PTPRN2: variants seen among roughly 807,000 people sequenced by gnomAD.
PTPRN2 encodes receptor-type tyrosine-protein phosphatase N2.
PTPRN2 carries 74 observed loss-of-function variants against 118.8 expected under a neutral mutation model. The observed-to-expected ratio is 0.62, with a 90% CI of 0.52 to 0.76. The LOEUF is 0.76. Ranked by LOEUF, PTPRN2 falls within the 30% of genes least tolerant of loss-of-function variation. The pLI, the probability that PTPRN2 is intolerant of heterozygous loss-of-function variation, is 0.00. For missense variants in PTPRN2, 1,481 were observed against 1,394.4 expected, an observed-to-expected ratio of 1.06 and a Z score of -0.99; for synonymous variants, 641 against 608.0, an observed-to-expected ratio of 1.05 and a Z score of -0.80.
intron 1 of PTPRN2, among the ~76,000 whole-genome samples, chr7:158,516,459 C>T (rs1823566858): frequency 6.6e-6 from 1 of 152,260 alleles, no homozygotes; most frequent in Non-Finnish European, 1.5e-5. Flanking sequence ...CCCCAGCCCC[C>T]TCCCAGCCTG....
rs867552331 is a variant in PTPRN2 at position 158,340,797 on chromosome 7, G to A, written c.164-23865C>T. ...ACCATAATTGGTGACACCTGCAGAC[G>A]TCACTCACACCCACACATGTCACTC... On this transcript the variant is annotated intron_variant, in intron 2 of 22. Coordinates refer to ENST00000389418, the MANE Select transcript of PTPRN2 (RefSeq NM_002847.5). Among the ~76,000 whole-genome samples the A allele has an allele frequency of 1.5e-4, 11 of 71,642 alleles. 3 individuals are homozygous for A. The South Asian group carries it at 3.9e-3, about 25-fold the overall frequency. The allele number at this position is 71,642 out of a possible 152,430, so 47.0% of individuals were successfully genotyped here.
rs1163527252 is a variant in PTPRN2 at position 157,881,868 on chromosome 7, T to C, written c.1788+16805A>G. Among the ~76,000 whole-genome samples the C allele has an allele frequency of 1.3e-5, 2 of 152,182 alleles. No homozygotes were observed. The highest frequency in any genetic ancestry group is 2.9e-5 in the Non-Finnish European group (2 of 68,038). On this transcript the variant is annotated intron_variant, in intron 12 of 22. Coordinates refer to ENST00000389418, the MANE Select transcript of PTPRN2 (RefSeq NM_002847.5). This position sits in a 1 kb window ranked among gnomAD's most constrained non-coding sequence, Gnocchi z 4.7. ...GAAGGTAAAGTTTGTGCCTGTAAAC[T>C]ACTAAAGAGCTACTAGGGCCCAGTG...
In PTPRN2 at chr7:158,136,256, G is replaced by A. The variant is rs554877298; in HGVS notation, c.1173+399C>T. ...TTTAGATGGCCACATGTGGCCAGAGGTGCCACACGGGACAGCCAGGTGTGA... is the reference window on the plus strand; with the variant it reads ...TTTAGATGGCCACATGTGGCCAGAGATGCCACACGGGACAGCCAGGTGTGA... On this transcript the variant is annotated intron_variant, in intron 8 of 22. Transcript: ENST00000389418. Among the ~76,000 whole-genome samples the A allele has an allele frequency of 1.1e-4, 17 of 152,308 alleles. No individual in the cohort carries two copies. The East Asian group carries it at 3.3e-3, about 29-fold the overall frequency.
At chr7:158,387,520 A>T (rs1427150810) in intron 2 of PTPRN2, among the ~76,000 whole-genome samples, 1 of 152,284 alleles carries the variant, frequency 6.6e-6, no homozygotes, top group Non-Finnish European at 1.5e-5. Context: ...GTTGGAAAGC[A>T]CTCTCTGGGT....
intron 1 of PTPRN2, among the ~76,000 whole-genome samples, chr7:158,495,987 G>A (rs1408315115): frequency 6.6e-6 from 1 of 152,018 alleles, no homozygotes; most frequent in Non-Finnish European, 1.5e-5. Context: ...CTCCTGCCAG[G>A]CCTGATTGCC....
intron 3 of PTPRN2, among the ~76,000 whole-genome samples, chr7:158,250,176 G>C (rs1796566508): frequency 6.6e-6 from 1 of 152,134 alleles, no homozygotes; most frequent in Admixed American, 6.6e-5. Context: ...TACTATCAAG[G>C]AAAGCCGAAC....
At chr7:157,584,277 T>C (rs1800544303) in intron 17 of PTPRN2, among the ~76,000 whole-genome samples, 1 of 152,234 alleles carries the variant, frequency 6.6e-6, no homozygotes, top group South Asian at 2.1e-4. Context: ...GTGTTAGTCT[T>C]GTCTTTAGCC....
intron 12 of PTPRN2, among the ~76,000 whole-genome samples, chr7:157,839,804 A>G (rs1808238600): frequency 6.8e-6 from 1 of 147,852 alleles, no homozygotes; most frequent in Non-Finnish European, 1.5e-5. Flanking sequence ...GCCATATGTG[A>G]CTGTGTGACC....
chr7:158,440,455 G>A (rs1263000568), intron 2 of PTPRN2, among the ~76,000 whole-genome samples: 1 of 151,734 alleles, frequency 6.6e-6, no homozygotes, highest in African/African-American at 2.4e-5. Context: ...TGGTGGTAAT[G>A]GTAGTAGCTA....
chr7:157,723,812 C>A (rs867273324), intron 12 of PTPRN2, among the ~76,000 whole-genome samples: 1 of 152,202 alleles, frequency 6.6e-6, no homozygotes, highest in Admixed American at 6.5e-5. Context: ...TGAAGCCATG[C>A]CCCAAAGCGA....
intron 11 of PTPRN2, among the ~76,000 whole-genome samples, chr7:158,047,563 G>T (rs1419264145): frequency 6.6e-6 from 1 of 151,982 alleles, no homozygotes; most frequent in Non-Finnish European, 1.5e-5. Context: ...GTCACTGAGT[G>T]TGTGAGGCCT....
intron 12 of PTPRN2, among the ~76,000 whole-genome samples, chr7:157,730,923 CT>C (rs1799861430): frequency 6.6e-6 from 1 of 152,176 alleles, no homozygotes; most frequent in African/African-American, 2.4e-5. Context: ...TGCACTAGGA[CT>C]TTCCCCTTCT....
At chr7:157,889,017 T>G (rs1796645074) in intron 12 of PTPRN2, among the ~76,000 whole-genome samples, 1 of 152,164 alleles carries the variant, frequency 6.6e-6, no homozygotes, top group African/African-American at 2.4e-5. Context: ...TTGTTATAAC[T>G]TTGCAATTCC....
rs144540301 is a variant in PTPRN2 at position 157,908,333 on chromosome 7, G to A, written c.1724-9596C>T. ...GCAGCCTGCATTCTGTGGAAGCCACGTGTTGCGTGAGGCCTTTCATGCCTG... is the reference window on the plus strand; with the variant it reads ...GCAGCCTGCATTCTGTGGAAGCCACATGTTGCGTGAGGCCTTTCATGCCTG... On this transcript the variant is annotated intron_variant, in intron 11 of 22. Transcript: ENST00000389418. Among the ~76,000 whole-genome samples, 1,407 of 152,386 alleles carry A rather than the reference G, an allele frequency of 9.2e-3. 3 individuals are homozygous for A. Among genetic ancestry groups the A allele is most frequent in the Non-Finnish European group, 0.016 (1,059 of 68,038 alleles).
intron 3 of PTPRN2, among the ~76,000 whole-genome samples, chr7:158,245,830 C>T (rs117382037): frequency 3.3e-5 from 5 of 152,220 alleles, no homozygotes; most frequent in South Asian, 2.1e-4. Context: ...CCATGCTATC[C>T]GCCAACCCCG....
intron 12 of PTPRN2, among the ~76,000 whole-genome samples, chr7:157,691,719 G>T (rs968025642): frequency 2.0e-5 from 3 of 152,210 alleles, no homozygotes; most frequent in African/African-American, 7.2e-5. Context: ...CCGCTCTGCG[G>T]GCGAAAGGAG....
intron 11 of PTPRN2, among the ~76,000 whole-genome samples, chr7:157,906,755 G>C (rs370022198): frequency 3.9e-5 from 6 of 152,168 alleles, no homozygotes; most frequent in Non-Finnish European, 8.8e-5. Context: ...CCAGGACCAC[G>C]GGCGGTGTGG....
chr7:158,344,474 G>A (rs546774303), intron 2 of PTPRN2, among the ~76,000 whole-genome samples: 21 of 152,208 alleles, frequency 1.4e-4, no homozygotes, highest in African/African-American at 4.3e-4. Context: ...CACTTGCAAC[G>A]CCTTGCACCC....
At chr7:157,544,755 A>T (rs998568538) in intron 22 of PTPRN2, among the ~76,000 whole-genome samples, 8 of 152,228 alleles carry the variant, frequency 5.3e-5, no homozygotes, top group Non-Finnish European at 7.3e-5. Flanking sequence ...CCACAGAGGC[A>T]TGGACGGGAG....
Sources: allele counts gnomAD v4.1 joint callset (sites outside exome capture counted in the v4.1 genomes callset), GRCh38; gene constraint gnomAD v4.1.1; non-coding constraint Gnocchi (gnomAD v3.1); transcripts MANE v1.5; gene names NCBI Gene and HGNC (gene_info 2026-07-23, HGNC 2026-07-21).